RIMS2: variants seen among roughly 807,000 people sequenced by gnomAD.
The protein encoded by RIMS2 is regulating synaptic membrane exocytosis 2.
A neutral mutation model predicts 174.4 loss-of-function variants in RIMS2; 59 were observed. That is an observed-to-expected ratio of 0.34 (90% CI 0.27 to 0.42). The LOEUF is 0.42. RIMS2 is among the 10% of genes least tolerant of loss of function. The pLI, the probability that RIMS2 is intolerant of heterozygous loss-of-function variation, is 1.00. For synonymous variants in RIMS2, 606 were observed against 572.5 expected (o/e 1.06, Z -0.84); for missense variants, 1,620 against 1,666.3 (o/e 0.97, Z 0.48).
At chr8:103,726,731 A>T (rs528627412) in intron 2 of RIMS2, among the ~76,000 whole-genome samples, 41 of 146,986 alleles carry the variant, frequency 2.8e-4, no homozygotes, top group African/African-American at 9.1e-4. Context: ...TATATTAATT[A>T]TATATATATA....
intron 19 of RIMS2, among the ~76,000 whole-genome samples, chr8:104,230,279 CAA>C (rs34786751): frequency 0.046 from 5,133 of 111,060 alleles, 199 homozygotes; most frequent in East Asian, 0.2. Flanking sequence ...AACTACATCT[CAA>C]AAAAAAAAAA....
chr8:103,889,357 T>TTACA (rs370625093), intron 4 of RIMS2, among the ~76,000 whole-genome samples: 19 of 151,900 alleles, frequency 1.3e-4, no homozygotes, highest in African/African-American at 4.6e-4. Flanking sequence ...AGAATGTGTT[T>TTACA]TACAACTCAG....
chr8:103,867,469 T>C (rs2099089299), intron 3 of RIMS2, among the ~76,000 whole-genome samples: 1 of 151,882 alleles, frequency 6.6e-6, no homozygotes, highest in African/African-American at 2.4e-5. Flanking sequence ...AGTTACTCTT[T>C]GTCATCAGAA....
At chr8:104,184,132 T>C (rs1314711591) in intron 19 of RIMS2, among the ~76,000 whole-genome samples, 1 of 151,666 alleles carries the variant, frequency 6.6e-6, no homozygotes. Flanking sequence ...ACCACAGTTA[T>C]GTGGGAAATG....
chr8:103,683,840 G>A (rs2096908212), intron 1 of RIMS2, among the ~76,000 whole-genome samples: 1 of 152,140 alleles, frequency 6.6e-6, no homozygotes, highest in African/African-American at 2.4e-5. Context: ...TTTTGTGTTA[G>A]CAGAGCTTCA....
chr8:103,682,006 C>G (rs2096886090), intron 1 of RIMS2, among the ~76,000 whole-genome samples: 1 of 151,892 alleles, frequency 6.6e-6, no homozygotes, highest in Non-Finnish European at 1.5e-5. Flanking sequence ...GGGAGAGAGA[C>G]ATTTCCAGAG....
chr8:104,112,481 T>G (rs1021154719), intron 19 of RIMS2, among the ~76,000 whole-genome samples: 111 of 152,228 alleles, frequency 7.3e-4, no homozygotes, highest in Middle Eastern at 6.8e-3. Flanking sequence ...CATACATACA[T>G]GATATATGTA....
chr8:103,999,445 A>G (rs544174985), intron 17 of RIMS2, among the ~76,000 whole-genome samples: 1 of 151,642 alleles, frequency 6.6e-6, no homozygotes, highest in Admixed American at 6.6e-5. Flanking sequence ...ATTCTGCTTC[A>G]ATCCTAAATA....
At chr8:103,524,453 A>G (rs979684354) in intron 1 of RIMS2, among the ~76,000 whole-genome samples, 5 of 152,178 alleles carry the variant, frequency 3.3e-5, no homozygotes, top group African/African-American at 9.7e-5. Context: ...TTTAATACAT[A>G]CGGAATCAAT....
chr8:103,584,922 A>G (rs1445097686), intron 1 of RIMS2, among the ~76,000 whole-genome samples: 1 of 18,376 alleles, frequency 5.4e-5, no homozygotes, highest in Non-Finnish European at 8.4e-5. Context: ...TAAACTTTCC[A>G]ATCAAAGATA....
In RIMS2 at chr8:104,168,907, T is replaced by C. The variant is rs1200873083; in HGVS notation, c.3335-76009T>C. Reference sequence around the variant, plus strand: ...TTTTCTGCATCTATTGAGATGATCGTATAATTTTTGTTTTTAATTATTTTT... The same window carrying C: ...TTTTCTGCATCTATTGAGATGATCGCATAATTTTTGTTTTTAATTATTTTT... On this transcript the variant is annotated intron_variant, in intron 19 of 23. Transcript: ENST00000504942. Among the ~76,000 whole-genome samples, 5 of 152,142 alleles carry C rather than the reference T, an allele frequency of 3.3e-5. No homozygotes were observed. The South Asian group carries it at 6.2e-4, about 19-fold the overall frequency.
intron 1 of RIMS2, among the ~76,000 whole-genome samples, chr8:103,648,743 A>G (rs2096393038): frequency 6.6e-6 from 1 of 152,142 alleles, no homozygotes; most frequent in African/African-American, 2.4e-5. Context: ...CTGTTTTGTC[A>G]GAAATACTGG....
chr8:103,723,133 A>G (rs928590647), intron 2 of RIMS2, among the ~76,000 whole-genome samples: 2 of 152,128 alleles, frequency 1.3e-5, no homozygotes, highest in African/African-American at 4.8e-5. Context: ...ACAAAAAGAA[A>G]ATGATTTGTG....
chr8:103,914,009 T>G (rs1296032344), intron 6 of RIMS2, among the ~76,000 whole-genome samples: 1 of 152,180 alleles, frequency 6.6e-6, no homozygotes, highest in African/African-American at 2.4e-5. Flanking sequence ...ATTTTATATC[T>G]GTTATCCTAG....
At chr8:103,504,475 T>A (rs1215664943) in intron 1 of RIMS2, among the ~76,000 whole-genome samples, 1 of 152,156 alleles carries the variant, frequency 6.6e-6, no homozygotes, top group Admixed American at 6.5e-5. Flanking sequence ...AAAAAATGTC[T>A]GAGGAAAGCA....
chr8:103,740,888 G>T (rs1166008628), intron 2 of RIMS2, among the ~76,000 whole-genome samples: 1 of 151,654 alleles, frequency 6.6e-6, no homozygotes, highest in Admixed American at 6.6e-5. Context: ...GTTTTTTATT[G>T]AATTTTTATT....
chr8:104,075,625 T>G (rs562689352), intron 19 of RIMS2, among the ~76,000 whole-genome samples: 2 of 152,210 alleles, frequency 1.3e-5, no homozygotes, highest in Non-Finnish European at 2.9e-5. Context: ...TTTTACTTTT[T>G]CATATTTTCC....
At chr8:103,525,105 A>G (rs1352782078) in intron 1 of RIMS2, among the ~76,000 whole-genome samples, 1 of 152,240 alleles carries the variant, frequency 6.6e-6, no homozygotes, top group African/African-American at 2.4e-5. Context: ...AAGAAGTTAC[A>G]AAATATTGAT....
intron 2 of RIMS2, among the ~76,000 whole-genome samples, chr8:103,737,925 G>A (rs1175882018): frequency 6.6e-6 from 1 of 151,976 alleles, no homozygotes; most frequent in Non-Finnish European, 1.5e-5. Flanking sequence ...GATTTTTCTT[G>A]AAAGTGCACT....
Sources: gnomAD v4.1 joint callset for allele counts (sites outside exome capture counted in the v4.1 genomes callset) on GRCh38, gnomAD v4.1.1 for gene constraint, MANE v1.5 for transcripts, NCBI Gene and HGNC (gene_info 2026-07-23, HGNC 2026-07-21) for gene names.